The following GRM5 variants were observed in gnomAD, a reference collection of about 807,000 sequenced individuals.
GRM5 encodes the protein metabotropic glutamate receptor 5.
In GRM5, 19 loss-of-function variants were observed where a neutral mutation model predicts 83.1. The observed-to-expected ratio is 0.23, with a 90% CI of 0.16 to 0.34. GRM5 has a LOEUF of 0.34. Among genes scored for constraint, GRM5 ranks in the 10% least tolerant of loss-of-function variants. The probability of loss-of-function intolerance (pLI) is 1.00; values close to 1 mark genes in which losing one functional copy is unlikely to be tolerated. For missense variants in GRM5, 1,160 were observed against 1,588.3 expected (o/e 0.73, Z 4.58); for synonymous variants, 675 against 633.6 (o/e 1.07, Z -0.98).
intron 3 of GRM5, among the ~76,000 whole-genome samples, chr11:88,694,895 T>G (rs1940865011): frequency 6.6e-6 from 1 of 152,190 alleles, no homozygotes; most frequent in Admixed American, 6.5e-5. Flanking sequence ...ACAGATAATT[T>G]TTGAAGAAGA....
intron 4 of GRM5, among the ~76,000 whole-genome samples, chr11:88,649,287 AATAC>A (rs67508062): frequency 0.68 from 92,470 of 135,174 alleles, 37,009 homozygotes; most frequent in Non-Finnish European, 0.9. Context: ...ATATATATGT[AATAC>A]ATATATATTA....
intron 1 of GRM5, among the ~76,000 whole-genome samples, chr11:89,053,605 C>A (rs751509128): frequency 6.6e-6 from 1 of 151,116 alleles, no homozygotes; most frequent in Non-Finnish European, 1.5e-5. Context: ...AGCCTGTATT[C>A]GAAGAGGGTT....
rs543130268 is a variant in GRM5, at chr11:89,024,484, A to G, written c.661+22728T>C. Among the ~76,000 whole-genome samples, 11 of 152,340 alleles carry G rather than the reference A, an allele frequency of 7.2e-5. No homozygotes were observed. The East Asian group carries it at 2.1e-3, about 29-fold the overall frequency. On this transcript the variant is annotated intron_variant, in intron 2 of 9. Transcript: ENST00000305447. ...ATGAAGAAGTTTATTTTGGCATTAA[A>G]TTCATTTTTAATTTGCTTCAAATAA...
At position 88,838,645 on chromosome 11, in the gene GRM5, A is replaced by G. The variant is rs1183142138; in HGVS notation, c.911+11261T>C. 2.0e-5 allele frequency among the ~76,000 whole-genome samples: 3 copies of G among 152,228 alleles called. No homozygotes were observed. In the East Asian group the frequency reaches 5.8e-4, roughly 29 times the overall value. On this transcript the variant is annotated intron_variant, in intron 3 of 9. Transcript: ENST00000305447. Reference sequence around the variant, plus strand: ...TTAAATCCCTAACAGTGAGAAATTAATATAATACTTTATGTGACTCTACAG... The same window carrying G: ...TTAAATCCCTAACAGTGAGAAATTAGTATAATACTTTATGTGACTCTACAG...
At position 88,770,778 on chromosome 11, in the gene GRM5, T is replaced by C. The variant is rs1942718998; in HGVS notation, c.911+79128A>G. 2.6e-5 allele frequency among the ~76,000 whole-genome samples: 4 copies of C among 152,240 alleles called. No individual in the cohort carries two copies. In the South Asian group the frequency reaches 8.3e-4, roughly 32 times the overall value. ...TACATTTTGGGGGCATCTAATGATT[T>C]AAATCTTTTATGACACATGTATTAC... On this transcript the variant is annotated intron_variant, in intron 3 of 9. Coordinates refer to ENST00000305447, the MANE Select transcript of GRM5 (RefSeq NM_001143831.3).
intron 3 of GRM5, among the ~76,000 whole-genome samples, chr11:88,788,821 G>A (rs1186975188): frequency 6.6e-6 from 1 of 152,170 alleles, no homozygotes; most frequent in Non-Finnish European, 1.5e-5. Context: ...AATACATTAA[G>A]TGGAAGATGT....
At chr11:88,524,530 T>C (rs749863316) in intron 9 of GRM5, among the ~76,000 whole-genome samples, 1 of 152,218 alleles carries the variant, frequency 6.6e-6, no homozygotes, top group Non-Finnish European at 1.5e-5. Context: ...AGGGCCCTTT[T>C]CTTAAAACCA....
At chr11:88,698,902 A>G (rs944062168) in intron 3 of GRM5, among the ~76,000 whole-genome samples, 9 of 152,196 alleles carry the variant, frequency 5.9e-5, no homozygotes, top group Admixed American at 3.3e-4. Context: ...TGGATTGAAC[A>G]AAGTGGAGAA....
At chr11:88,818,917 A>C (rs1943737877) in intron 3 of GRM5, among the ~76,000 whole-genome samples, 1 of 152,234 alleles carries the variant, frequency 6.6e-6, no homozygotes, top group Admixed American at 6.5e-5. Flanking sequence ...AATTGAATCT[A>C]TTATGAGAGT....
intron 9 of GRM5, among the ~76,000 whole-genome samples, chr11:88,524,214 C>CT (rs71470770): frequency 0.042 from 4,216 of 101,272 alleles, 250 homozygotes; most frequent in East Asian, 0.13. Flanking sequence ...TTCTTTCTTT[C>CT]TTTTTTTTTT....
intron 3 of GRM5, among the ~76,000 whole-genome samples, chr11:88,757,913 T>G (rs192678987): frequency 3.9e-4 from 59 of 152,214 alleles, no homozygotes; most frequent in Non-Finnish European, 7.4e-4. Context: ...TTTCTAACCT[T>G]GAGGAGCCAG....
chr11:89,010,688 CT>C (rs1229432561), intron 2 of GRM5, among the ~76,000 whole-genome samples: 2 of 151,304 alleles, frequency 1.3e-5, no homozygotes, highest in African/African-American at 4.9e-5. Context: ...ATATAAACAA[CT>C]TTTTAGATGA....
At chr11:88,745,725 T>C (rs1942123733) in intron 3 of GRM5, among the ~76,000 whole-genome samples, 1 of 152,200 alleles carries the variant, frequency 6.6e-6, no homozygotes, top group Non-Finnish European at 1.5e-5. Context: ...TCACAGATTG[T>C]TGGCAGAGAA....
chr11:88,815,460 C>CTT (rs373748790), intron 3 of GRM5, among the ~76,000 whole-genome samples: 223 of 152,178 alleles, frequency 1.5e-3, no homozygotes, highest in African/African-American at 5.2e-3. Context: ...AAAGAAGGTT[C>CTT]TTAATTGAGT....
intron 4 of GRM5, among the ~76,000 whole-genome samples, chr11:88,617,299 G>A (rs1299737658): frequency 6.6e-6 from 1 of 152,140 alleles, no homozygotes; most frequent in Non-Finnish European, 1.5e-5. Context: ...AAAAATCCTG[G>A]ACAGAGCTGG....
intron 4 of GRM5, among the ~76,000 whole-genome samples, chr11:88,615,368 T>C (rs750979113): frequency 2.0e-4 from 30 of 152,314 alleles, no homozygotes; most frequent in Non-Finnish European, 4.0e-4. Context: ...TTGATGCTTA[T>C]GTATTTTACA....
intron 3 of GRM5, among the ~76,000 whole-genome samples, chr11:88,722,493 A>G (rs959021480): frequency 6.6e-6 from 1 of 152,188 alleles, no homozygotes; most frequent in East Asian, 1.9e-4. Context: ...TTCAGAAGCC[A>G]TAACATGCAG....
At chr11:88,774,396 C>A (rs1017959022) in intron 3 of GRM5, among the ~76,000 whole-genome samples, 1 of 152,180 alleles carries the variant, frequency 6.6e-6, no homozygotes, top group African/African-American at 2.4e-5. Flanking sequence ...CATCTGCAAA[C>A]AGGAACAATT....
intron 3 of GRM5, among the ~76,000 whole-genome samples, chr11:88,807,874 C>T (rs1209691485): frequency 6.6e-6 from 1 of 151,974 alleles, no homozygotes; most frequent in Non-Finnish European, 1.5e-5. Context: ...TAACAAGCTG[C>T]TTCTCATTTG....
Sources: gnomAD v4.1 joint callset for allele counts (sites outside exome capture counted in the v4.1 genomes callset) on GRCh38, gnomAD v4.1.1 for gene constraint, MANE v1.5 for transcripts, NCBI Gene and HGNC (gene_info 2026-07-23, HGNC 2026-07-21) for gene names.